Variants in TMTC4 observed in about 807,000 individuals in gnomAD.
TMTC4 encodes the protein protein O-mannosyl-transferase TMTC4.
A neutral mutation model predicts 86.0 loss-of-function variants in TMTC4; 65 were observed. The ratio of observed to expected loss-of-function variants is 0.76; its 90% CI spans 0.62 to 0.93. TMTC4 has a LOEUF of 0.93. Ranked by LOEUF, TMTC4 falls within the 40% of genes least tolerant of loss-of-function variation. The probability of loss-of-function intolerance (pLI) is 0.00; values close to 1 mark genes in which losing one functional copy is unlikely to be tolerated. For synonymous variants in TMTC4, 379 were observed against 382.5 expected (o/e 0.99, Z 0.11); for missense variants, 866 against 948.1 (o/e 0.91, Z 1.14).
chr13:100,635,410 C>G (rs904311535), intron 10 of TMTC4, among the ~76,000 whole-genome samples: 2 of 152,114 alleles, frequency 1.3e-5, no homozygotes, highest in African/African-American at 4.8e-5. Flanking sequence ...CACTTCACAG[C>G]GAGTCTAAGG....
At chr13:100,651,301 C>T (rs9513777) in intron 6 of TMTC4, among the ~76,000 whole-genome samples, 4 of 151,934 alleles carry the variant, frequency 2.6e-5, no homozygotes, top group Non-Finnish European at 5.9e-5. Flanking sequence ...GATGTAAATA[C>T]AAGATGCCTC....
intron 3 of TMTC4, among the ~76,000 whole-genome samples, chr13:100,665,612 G>C (rs1417953359): frequency 6.6e-6 from 1 of 152,202 alleles, no homozygotes; most frequent in Non-Finnish European, 1.5e-5. Flanking sequence ...TGATGGGACA[G>C]CCCGTCTGTA....
intron 15 of TMTC4, chr13:100,625,318 C>T: frequency 1.6e-6 from 1 of 610,344 alleles, no homozygotes; most frequent in Non-Finnish European, 2.8e-6. Flanking sequence ...CGTGGGTGAC[C>T]TCTTAAACTT....
intron 17 of TMTC4, among the ~76,000 whole-genome samples, chr13:100,611,546 C>T (rs1321549799): frequency 6.6e-6 from 1 of 152,178 alleles, no homozygotes; most frequent in Non-Finnish European, 1.5e-5. Context: ...GATGGCGCCA[C>T]TGCACTCCAG....
chr13:100,664,337 C>G lies in TMTC4; in HGVS notation c.220-1G>C. On this transcript the variant is annotated splice_acceptor_variant, in intron 3 of 18. Coordinates refer to ENST00000342624, the MANE Select transcript of TMTC4 (RefSeq NM_032813.5). LOFTEE classifies it high-confidence loss of function. The stretch of plus-strand genomic sequence containing the variant: ...CCAGGGGCGTTTCTGCTTGGAGGTC[C>G]TGCAGGGTCACAAAGGGGATGTTCT... 6.2e-7 allele frequency: 1 copy of G among 1,603,500 alleles called. No homozygotes were observed. Among genetic ancestry groups the G allele is most frequent in the Non-Finnish European group, 8.5e-7 (1 of 1,174,654 alleles).
At chr13:100,644,066 C>T (rs1233508806) in intron 6 of TMTC4, among the ~76,000 whole-genome samples, 4 of 151,566 alleles carry the variant, frequency 2.6e-5, no homozygotes, top group Non-Finnish European at 5.9e-5. Flanking sequence ...TGAAAACAGC[C>T]AGTGCGTTCT....
intron 6 of TMTC4, among the ~76,000 whole-genome samples, chr13:100,651,302 A>G (rs956100155): frequency 6.6e-6 from 1 of 152,192 alleles, no homozygotes; most frequent in African/African-American, 2.4e-5. Context: ...ATGTAAATAC[A>G]AGATGCCTCA....
At chr13:100,624,579 CA>C (rs1880159675) in intron 15 of TMTC4, 1 of 151,842 alleles carries the variant, frequency 6.6e-6, no homozygotes, top group Non-Finnish European at 1.5e-5. Flanking sequence ...ACAAAACAAA[CA>C]AACAAACAAA....
intron 15 of TMTC4, chr13:100,624,355 A>T: frequency 1.3e-4 from 1 of 7,518 alleles, no homozygotes; most frequent in Non-Finnish European, 4.8e-4. Context: ...AAAAAAAAAT[A>T]AAAAAAAAAT....
intron 3 of TMTC4, 140 bp from the exon 4 acceptor site, chr13:100,664,476 G>A (rs1594374661): frequency 1.0e-5 from 6 of 577,030 alleles, no homozygotes; most frequent in African/African-American, 1.9e-5. Context: ...TTGATATCTC[G>A]AAATACACAT....
intron 17 of TMTC4, among the ~76,000 whole-genome samples, chr13:100,611,849 T>C (rs2153022922): frequency 6.6e-6 from 1 of 152,338 alleles, no homozygotes; most frequent in East Asian, 1.9e-4. Flanking sequence ...CAGAAAACTC[T>C]GGGCCTTGCT....
intron 6 of TMTC4, among the ~76,000 whole-genome samples, chr13:100,652,839 G>A (rs913521145): frequency 2.6e-5 from 4 of 152,190 alleles, no homozygotes; most frequent in Non-Finnish European, 5.9e-5. Context: ...CTGGAGTTAC[G>A]GTAAGCCCCT....
intron 15 of TMTC4, among the ~76,000 whole-genome samples, chr13:100,619,034 G>A (rs1331563779): frequency 6.6e-6 from 1 of 152,110 alleles, no homozygotes. Flanking sequence ...GGCCGGCCGG[G>A]CAGAGGGGCT....
rs1053988957 is a variant in TMTC4, at chr13:100,603,877, G to A, written c.*1117C>T. The A allele has an allele frequency of 6.6e-6, 1 of 152,494 alleles. No individual in the cohort carries two copies. The highest frequency in any genetic ancestry group is 1.5e-5 in the Non-Finnish European group (1 of 68,022). The allele number at this position is 152,494 out of a possible 1,614,324, so 9.4% of individuals were successfully genotyped here. A position where few individuals can be genotyped will look rare whatever the true frequency, so the allele number is the denominator to read the frequency against. ...TTGATTTCATTTTAAGGTAAAGGAGGATACAAAGTTCACTACTTGAAAATA... is the reference window on the plus strand; with the variant it reads ...TTGATTTCATTTTAAGGTAAAGGAGAATACAAAGTTCACTACTTGAAAATA... On this transcript the variant is annotated 3_prime_UTR_variant, in exon 19 of 19. Coordinates refer to ENST00000342624, the MANE Select transcript of TMTC4 (RefSeq NM_032813.5).
At chr13:100,668,282 C>T in intron 3 of TMTC4, 1 of 308,800 alleles carries the variant, frequency 3.2e-6, no homozygotes, top group Non-Finnish European at 6.0e-6. Context: ...TCTGCAACAC[C>T]CTGCAATGCC....
intron 15 of TMTC4, among the ~76,000 whole-genome samples, chr13:100,614,672 G>A (rs996396466): frequency 3.3e-5 from 5 of 152,072 alleles, no homozygotes; most frequent in African/African-American, 1.2e-4. Flanking sequence ...TAAGGCACGA[G>A]GAAATGAACT....
rs369228094 is a variant in TMTC4 at position 100,604,890 on chromosome 13, A to G, written c.*104T>C. ...TGTTTTCATAGAAAAAAATCAGTAA[A>G]ATAACATGTCTAAGACTTTTAAATG... On this transcript the variant is annotated 3_prime_UTR_variant, in exon 19 of 19. Coordinates refer to ENST00000342624, the MANE Select transcript of TMTC4 (RefSeq NM_032813.5). The G allele has an allele frequency of 5.2e-5, 68 of 1,315,210 alleles. No homozygotes were observed. The South Asian group carries it at 1.4e-3, about 28-fold the overall frequency. 81.5% of individuals were successfully genotyped at this position (1,315,210 alleles called of 1,614,324 possible).
At chr13:100,668,369 G>GA in intron 3 of TMTC4, 1 of 572,622 alleles carries the variant, frequency 1.7e-6, no homozygotes, top group East Asian at 3.0e-5. Flanking sequence ...TGCCTGAGCT[G>GA]AGGCAGGGGT....
intron 17 of TMTC4, among the ~76,000 whole-genome samples, chr13:100,608,590 G>A (rs1176207966): frequency 1.3e-5 from 2 of 152,186 alleles, no homozygotes. Flanking sequence ...CTGGGAGTGG[G>A]GTTGGAGGGG....
Sources: gnomAD v4.1 joint callset for allele counts (sites outside exome capture counted in the v4.1 genomes callset) on GRCh38, gnomAD v4.1.1 for gene constraint, MANE v1.5 for transcripts, NCBI Gene and HGNC (gene_info 2026-07-23, HGNC 2026-07-21) for gene names.